The following KLHL3 variants were observed in gnomAD, a reference collection of about 807,000 sequenced individuals.
KLHL3 encodes kelch like family member 3.
KLHL3 carries 19 observed loss-of-function variants against 70.5 expected under a neutral mutation model. That is an observed-to-expected ratio of 0.27 (90% CI 0.19 to 0.40). KLHL3 has a LOEUF of 0.40. Ranked by LOEUF, KLHL3 falls within the 10% of genes least tolerant of loss-of-function variation. The probability of loss-of-function intolerance (pLI) is 1.00; values close to 1 mark genes in which losing one functional copy is unlikely to be tolerated. For synonymous variants in KLHL3, 258 were observed against 290.3 expected, an observed-to-expected ratio of 0.89 and a Z score of 1.13; for missense variants, 512 against 771.1, an observed-to-expected ratio of 0.66 and a Z score of 3.98.
intron 5 of KLHL3, among the ~76,000 whole-genome samples, chr5:137,686,057 A>C (rs1752155877): frequency 6.6e-6 from 1 of 152,252 alleles, no homozygotes; most frequent in African/African-American, 2.4e-5. Context: ...AAGAAACAGA[A>C]TTCAGCAGCT....
intron 2 of KLHL3, among the ~76,000 whole-genome samples, chr5:137,711,334 G>T (rs1207285376): frequency 2.6e-5 from 4 of 152,208 alleles, no homozygotes; most frequent in Non-Finnish European, 1.5e-5. Flanking sequence ...AACTCAGAGA[G>T]GTGAAAAGAT....
At chr5:137,636,435 A>T (rs936079966) in intron 11 of KLHL3, among the ~76,000 whole-genome samples, 3 of 152,226 alleles carry the variant, frequency 2.0e-5, no homozygotes, top group Admixed American at 6.5e-5. Flanking sequence ...TTGTCCTGCA[A>T]ATGACAACAT....
chr5:137,714,259 G>T (rs1163033270), intron 2 of KLHL3, among the ~76,000 whole-genome samples: 2 of 152,098 alleles, frequency 1.3e-5, no homozygotes, highest in African/African-American at 4.8e-5. Context: ...GGTGGCAGCT[G>T]CTCTGAAAAC....
At chr5:137,628,808 C>A (rs1319180237) in intron 12 of KLHL3, 2 of 158,508 alleles carry the variant, frequency 1.3e-5, no homozygotes, top group Non-Finnish European at 2.7e-5. Flanking sequence ...GAAAAAAAGA[C>A]AAAAAATACT....
intron 12 of KLHL3, among the ~76,000 whole-genome samples, chr5:137,631,081 A>G (rs1475429727): frequency 6.6e-6 from 1 of 151,272 alleles, no homozygotes; most frequent in East Asian, 1.9e-4. Context: ...AAAAAAAAAA[A>G]AAAAAAAAAG....
chr5:137,683,804 G>GCACA (rs754512601), intron 5 of KLHL3, among the ~76,000 whole-genome samples: 1 of 147,138 alleles, frequency 6.8e-6, no homozygotes, highest in Non-Finnish European at 1.5e-5. Context: ...ACATGCACGC[G>GCACA]CACACACACA....
rs1756288029 is a variant in KLHL3 at position 137,618,492 on chromosome 5, AC to A, written c.*3605del. On this transcript the variant is annotated 3_prime_UTR_variant, in exon 15 of 15. Transcript: ENST00000309755. The stretch of plus-strand genomic sequence containing the variant: ...TAACACACAGGGATCATGAGGATTG[AC>A]CCCTCTTTTAAAGGTTAGAGACAAG... The A allele has an allele frequency of 6.6e-6, 1 of 152,052 alleles. No homozygotes were observed. The highest frequency in any genetic ancestry group is 2.4e-5 in the African/African-American group (1 of 41,386). The allele number at this position is 152,052 out of a possible 1,614,324, so 9.4% of individuals were successfully genotyped here.
intron 12 of KLHL3, chr5:137,629,925 G>A (rs1373967898): frequency 2.0e-5 from 3 of 152,156 alleles, no homozygotes; most frequent in African/African-American, 4.8e-5. Context: ...AGCGAGCTGC[G>A]TTCCAGGCAC....
chr5:137,728,723 G>T (rs967987712), intron 1 of KLHL3, among the ~76,000 whole-genome samples: 1 of 152,126 alleles, frequency 6.6e-6, no homozygotes, highest in Non-Finnish European at 1.5e-5. Flanking sequence ...CTCCAAGCAG[G>T]CTGATTGTGC....
chr5:137,639,178 G>A lies in KLHL3; in HGVS notation c.1022-28C>T. The A allele has an allele frequency of 6.2e-7, 1 of 1,608,512 alleles. No homozygotes were observed. The highest frequency in any genetic ancestry group is 8.5e-7 in the Non-Finnish European group (1 of 1,176,736). On this transcript the variant is annotated intron_variant, in intron 9 of 14. Transcript: ENST00000309755. The surrounding 1 kb of genome is among the most constrained non-coding windows in gnomAD (Gnocchi z 5.0). ...GAGGCACAGGAAACCAAGACATCAA[G>A]GTCAGGTCAGGCGCATGACTGCTCA...
chr5:137,694,514 C>T (rs184406400), intron 4 of KLHL3, among the ~76,000 whole-genome samples: 124 of 152,262 alleles, frequency 8.1e-4, no homozygotes, highest in Middle Eastern at 3.4e-3. Flanking sequence ...TTGCTCAGCC[C>T]GGCCGAACAG....
chr5:137,725,160 T>C (rs946308623), intron 1 of KLHL3: 1 of 520,344 alleles, frequency 1.9e-6, no homozygotes, highest in African/African-American at 2.1e-5. Flanking sequence ...CAAATAAGGC[T>C]AGTGGATCCC....
intron 7 of KLHL3, among the ~76,000 whole-genome samples, chr5:137,659,548 GA>G (rs777454664): frequency 6.6e-6 from 1 of 152,172 alleles, no homozygotes; most frequent in Non-Finnish European, 1.5e-5. Flanking sequence ...GAGCCAGCTT[GA>G]GACAAATCAT....
At chr5:137,624,469 A>G (rs1750405026) in intron 14 of KLHL3, among the ~76,000 whole-genome samples, 2 of 152,224 alleles carry the variant, frequency 1.3e-5, no homozygotes, top group African/African-American at 4.8e-5. Context: ...TACTTAGCCA[A>G]GAAAAGTATT....
chr5:137,649,323 T>G (rs1177256523), intron 8 of KLHL3, among the ~76,000 whole-genome samples: 3 of 152,258 alleles, frequency 2.0e-5, no homozygotes, highest in Non-Finnish European at 4.4e-5. Flanking sequence ...CTACAGCTTC[T>G]GTGTTAGATG....
At chr5:137,628,250 A>G (rs199773512) in intron 13 of KLHL3, 47 bp downstream of exon 13, 1 of 1,607,340 alleles carries the variant, frequency 6.2e-7, no homozygotes, top group African/African-American at 1.3e-5. Context: ...CTTCAGGGAG[A>G]AAAGGCACAC....
chr5:137,694,893 G>C (rs939199336), intron 4 of KLHL3, among the ~76,000 whole-genome samples: 2 of 152,024 alleles, frequency 1.3e-5, no homozygotes, highest in African/African-American at 4.8e-5. Flanking sequence ...TCAGAGGTGT[G>C]GTAAACTCCA....
chr5:137,684,841 G>A (rs757953608), intron 5 of KLHL3, among the ~76,000 whole-genome samples: 2 of 152,238 alleles, frequency 1.3e-5, no homozygotes, highest in Admixed American at 6.5e-5. Flanking sequence ...GCAAGAGTCT[G>A]AGCAGTCAGC....
chr5:137,720,709 AC>A (rs1752980914), intron 1 of KLHL3, 125 bp from the exon 2 acceptor site: 2 of 1,516,970 alleles, frequency 1.3e-6, no homozygotes, highest in African/African-American at 2.8e-5. Context: ...TCTCACACAG[AC>A]CCAATAGGAA....
Sources: allele counts gnomAD v4.1 joint callset (sites outside exome capture counted in the v4.1 genomes callset), GRCh38; gene constraint gnomAD v4.1.1; non-coding constraint Gnocchi (gnomAD v3.1); transcripts MANE v1.5; gene names NCBI Gene and HGNC (gene_info 2026-07-23, HGNC 2026-07-21).